Variants in ABCC10 observed in about 807,000 individuals in gnomAD.
The protein encoded by ABCC10 is ATP-binding cassette sub-family C member 10.
A neutral mutation model predicts 143.2 loss-of-function variants in ABCC10; 110 were observed. That is an observed-to-expected ratio of 0.77 (90% CI 0.66 to 0.90). The LOEUF is 0.90. ABCC10 is among the 40% of genes least tolerant of loss of function. ABCC10 has a pLI of 0.00. For synonymous variants in ABCC10, 805 were observed against 846.7 expected (o/e 0.95, Z 0.85); for missense variants, 1,700 against 1,900.5 (o/e 0.89, Z 1.96).
chr6:43,431,913 A>G (rs1373002198), intron 2 of ABCC10: 3 of 1,374,080 alleles, frequency 2.2e-6, no homozygotes, highest in East Asian at 5.3e-5. Context: ...AAAATGAGTT[A>G]GGTTCAGGTG....
chr6:43,437,082 C>A (rs1024301927), intron 6 of ABCC10, among the ~76,000 whole-genome samples: 2 of 152,176 alleles, frequency 1.3e-5, no homozygotes, highest in Admixed American at 6.5e-5. Flanking sequence ...CAGAACCAGG[C>A]CTCAACTCGC....
Position 43,443,526 on chromosome 6 carries a change from C to T in ABCC10, c.2416+367C>T, listed in dbSNP as rs1223336882. ...TTTTTATGCAGAGGGATGTGACCAC[C>T]TGCAAGTTTACTGGGAGAGAAATAG... On this transcript the variant is annotated intron_variant, in intron 10 of 21. Transcript: ENST00000372530. The surrounding 1 kb of genome is among the most constrained non-coding windows in gnomAD (Gnocchi z 4.2). 1.4e-5 allele frequency: 4 copies of T among 277,934 alleles called. No individual in the cohort carries two copies. The East Asian group carries it at 2.0e-4, about 14-fold the overall frequency. The allele number at this position is 277,934 out of a possible 1,614,324, so 17.2% of individuals were successfully genotyped here. A position where few individuals can be genotyped will look rare whatever the true frequency, so the allele number is the denominator to read the frequency against.
At chr6:43,435,516 G>C (rs1013208698) in intron 4 of ABCC10, among the ~76,000 whole-genome samples, 16 of 151,948 alleles carry the variant, frequency 1.1e-4, no homozygotes, top group Non-Finnish European at 1.6e-4. Flanking sequence ...TTAGGTGACA[G>C]AGCAAGACTC....
At chr6:43,441,607 G>T (rs754143718) in intron 8 of ABCC10, among the ~76,000 whole-genome samples, 3 of 152,210 alleles carry the variant, frequency 2.0e-5, no homozygotes, top group Non-Finnish European at 4.4e-5. Flanking sequence ...AAAAGGAAAT[G>T]ATACCATCTT....
Position 43,450,150 on chromosome 6 carries a change from A to G in ABCC10, c.*59A>G. The G allele has an allele frequency of 9.9e-6, 15 of 1,514,986 alleles. No individual in the cohort carries two copies. Among genetic ancestry groups the G allele is most frequent in the Non-Finnish European group, 1.3e-5 (15 of 1,125,712 alleles). 93.8% of individuals were successfully genotyped at this position (1,514,986 alleles called of 1,614,324 possible). On this transcript the variant is annotated 3_prime_UTR_variant, in exon 22 of 22. Coordinates refer to ENST00000372530, the MANE Select transcript of ABCC10 (RefSeq NM_001198934.2). This position sits in a 1 kb window ranked among gnomAD's most constrained non-coding sequence, Gnocchi z 4.5. ...TCTCTGATCCAGGCCGGGCCTATAC[A>G]GAGGTGCTGGCTGCTTGTTTACATT...
chr6:43,449,332 G>A, intron 20 of ABCC10, 90 bp from the exon 21 acceptor site: 1 of 1,486,772 alleles, frequency 6.7e-7, no homozygotes, highest in Non-Finnish European at 9.2e-7. Flanking sequence ...GAAGTGGGGA[G>A]CTGTGGTAGG....
chr6:43,427,557 G>C lies in ABCC10; in HGVS notation c.-212G>C, dbSNP rs999262764. 3.4e-6 allele frequency: 1 copy of C among 293,902 alleles called. No homozygotes were observed. Among genetic ancestry groups the C allele is most frequent in the African/African-American group, 2.3e-5 (1 of 44,252 alleles). 18.2% of individuals were successfully genotyped at this position (293,902 alleles called of 1,614,324 possible). ...GCAGCTACCAGCATATGGGCGTGGC[G>C]AATAGCGCCGGCTAGGTCTTCCAAC... On this transcript the variant is annotated 5_prime_UTR_variant, in exon 1 of 22. Coordinates refer to ENST00000372530, the MANE Select transcript of ABCC10 (RefSeq NM_001198934.2).
rs571034805 is a variant in ABCC10 at position 43,428,792 on chromosome 6, G to T, written c.161+653G>T. Among the ~76,000 whole-genome samples the T allele has an allele frequency of 6.6e-5, 10 of 152,298 alleles. No homozygotes were observed. The East Asian group carries it at 1.9e-3, about 29-fold the overall frequency. ...GACGGTGTGGTCTCTGCCTTTGGGAGTTCCTAGTCTGATGGGGGGAAGTGT... is the reference window on the plus strand; with the variant it reads ...GACGGTGTGGTCTCTGCCTTTGGGATTTCCTAGTCTGATGGGGGGAAGTGT... On this transcript the variant is annotated intron_variant, in intron 2 of 21. Transcript: ENST00000372530.
chr6:43,445,400 G>A (rs888733471), intron 14 of ABCC10, 86 bp downstream of exon 14: 2 of 1,466,080 alleles, frequency 1.4e-6, no homozygotes, highest in Non-Finnish European at 1.9e-6. Flanking sequence ...CACTGGGGAT[G>A]GGAGAGTCTT....
chr6:43,443,046 G>T lies in ABCC10; in HGVS notation c.2303G>T (p.Cys768Phe). ...ADVANHLLHR[C>F]ILGMLSYTTR... ...GTGGCCAACCACCTGCTGCACAGGT[G>T]CATCCTGGGCATGCTGAGCTACACC... is the stretch of plus-strand genomic sequence containing the variant. Residue 768 changes from cysteine to phenylalanine, a missense_variant, in exon 10 of 22, where the codon TGC (cysteine) becomes TTC (phenylalanine). Coordinates refer to ENST00000372530, the MANE Select transcript of ABCC10 (RefSeq NM_001198934.2). This position sits in a 1 kb window ranked among gnomAD's most constrained non-coding sequence, Gnocchi z 4.2. 6.2e-7 allele frequency: 1 copy of T among 1,613,110 alleles called. No individual in the cohort carries two copies.
At chr6:43,450,643 C>T (rs1202378524), downstream of ABCC10, 7 of 1,613,636 alleles carry the variant, frequency 4.3e-6, no homozygotes, top group Non-Finnish European at 5.9e-6. This position sits in a 1 kb window ranked among gnomAD's most constrained non-coding sequence, Gnocchi z 4.5. Context: ...CACGCTGGAG[C>T]ATAGTGTGGG....
chr6:43,443,032 C>T lies in ABCC10; in HGVS notation c.2289C>T (p.His763=). ...CTGTGGATGCAGATGTGGCCAACCA[C>T]CTGCTGCACAGGTGCATCCTGGGCA... The part of the protein sequence containing the change: ...LAAVDADVAN[H]LLHRCILGML... The change falls in exon 10 of 22, where the codon CAC becomes CAT. Residue 763 remains histidine, a synonymous_variant. Transcript: ENST00000372530. The surrounding 1 kb of genome is among the most constrained non-coding windows in gnomAD (Gnocchi z 4.2). 1 of 1,612,886 alleles carries T rather than the reference C, an allele frequency of 6.2e-7. No homozygotes were observed. Among genetic ancestry groups the T allele is most frequent in the South Asian group, 1.1e-5 (1 of 90,934 alleles).
intron 11 of ABCC10, 34 bp from the exon 12 acceptor site, chr6:43,444,125 A>G (rs781339333): frequency 3.7e-6 from 6 of 1,611,236 alleles, no homozygotes; most frequent in Non-Finnish European, 4.2e-6. Context: ...GCACCCTGCA[A>G]GCTTAATTCT....
chr6:43,445,375 C>A (rs1782938659), intron 14 of ABCC10, 61 bp downstream of exon 14: 2 of 1,538,254 alleles, frequency 1.3e-6, no homozygotes, highest in Admixed American at 1.9e-5. Flanking sequence ...GAGTGTCCTC[C>A]CAATACTCGG....
rs1025925967 is a variant in ABCC10 at position 43,429,952 on chromosome 6, T to A, written c.161+1813T>A. Among the ~76,000 whole-genome samples the A allele has an allele frequency of 8.5e-5, 13 of 152,160 alleles. No homozygotes were observed. The East Asian group carries it at 9.6e-4, about 11-fold the overall frequency. ...GAGACTCTGTCTCAAAAAGAAAAAA[T>A]TATTTTTAGTAGAGACAAGGCCTTG... On this transcript the variant is annotated intron_variant, in intron 2 of 21. Coordinates refer to ENST00000372530, the MANE Select transcript of ABCC10 (RefSeq NM_001198934.2).
At chr6:43,449,844 G>T (rs985945479) in intron 21 of ABCC10, 85 bp from the exon 22 acceptor site, 1 of 1,491,182 alleles carries the variant, frequency 6.7e-7, no homozygotes, top group Non-Finnish European at 9.2e-7. Flanking sequence ...GTGGTGTCCC[G>T]AGGGGAGAGG....
downstream of ABCC10, chr6:43,450,762 A>G: frequency 6.2e-7 from 1 of 1,614,232 alleles, no homozygotes; most frequent in Non-Finnish European, 8.5e-7. This position sits in a 1 kb window ranked among gnomAD's most constrained non-coding sequence, Gnocchi z 4.5. Flanking sequence ...AAACACCACC[A>G]GGGCCACCAA....
chr6:43,447,722 C>T lies in ABCC10; in HGVS notation c.3744C>T (p.Phe1248=). The T allele has an allele frequency of 6.2e-7, 1 of 1,614,150 alleles. No homozygotes were observed. Among genetic ancestry groups the T allele is most frequent in the African/African-American group, 1.3e-5 (1 of 75,026 alleles). The stretch of plus-strand genomic sequence containing the variant: ...GGCTGACCCAGGGGGGCGTGGAGTT[C>T]CAGGACGTGGTGTTGGCGTACCGGC... ...TGWLTQGGVE[F]QDVVLAYRPG... The change falls in exon 18 of 22, where the codon TTC becomes TTT. Residue 1248 remains phenylalanine, a synonymous_variant. Transcript: ENST00000372530.
chr6:43,447,893 G>T lies in ABCC10; in HGVS notation c.3915G>T (p.Leu1305=), dbSNP rs1419959077. The T allele has an allele frequency of 6.2e-7, 1 of 1,613,838 alleles. No individual in the cohort carries two copies. Among genetic ancestry groups the T allele is most frequent in the Non-Finnish European group, 8.5e-7 (1 of 1,180,024 alleles). The change falls in exon 18 of 22, where the codon CTG becomes CTT. Residue 1305 remains leucine (L), a synonymous_variant. Coordinates refer to ENST00000372530, the MANE Select transcript of ABCC10 (RefSeq NM_001198934.2). ...TAGAGCCCAGTTCAGGGCGAGTGCTGCTGGACGGCGTGGACACCAGCCAGC... is the reference window on the plus strand; with the variant it reads ...TAGAGCCCAGTTCAGGGCGAGTGCTTCTGGACGGCGTGGACACCAGCCAGC... The part of the protein sequence containing the change: ...RLLEPSSGRV[L]LDGVDTSQLE...
Sources: gnomAD v4.1 joint callset for allele counts (sites outside exome capture counted in the v4.1 genomes callset) on GRCh38, gnomAD v4.1.1 for gene constraint, Gnocchi (gnomAD v3.1) non-coding constraint, MANE v1.5 for transcripts, NCBI Gene and HGNC (gene_info 2026-07-23, HGNC 2026-07-21) for gene names.